Variants in AP1M1 observed in about 807,000 individuals in gnomAD.
AP1M1 encodes adaptor related protein complex 1 subunit mu 1.
A neutral mutation model predicts 57.1 loss-of-function variants in AP1M1; 18 were observed. The ratio of observed to expected loss-of-function variants is 0.32; its 90% confidence interval spans 0.22 to 0.47. AP1M1 has a LOEUF of 0.47. Among genes scored for constraint, AP1M1 ranks in the 20% least tolerant of loss-of-function variants. The pLI is 1.00. For synonymous variants in AP1M1, 241 were observed against 237.9 expected (o/e 1.01, Z -0.12); for missense variants, 362 against 593.5 (o/e 0.61, Z 4.05).
rs981537428 is a variant in AP1M1 at position 16,239,970 on chromosome 19, CAA to C, written c.*5536_*5537del. ...TGGGTTCTGCATCCATGGATTCAACCAAGAGTGAGTTGAAAATATTTGAAAAA... is the reference window on the plus strand; with the variant it reads ...TGGGTTCTGCATCCATGGATTCAACCGAGTGAGTTGAAAATATTTGAAAAA... On this transcript the variant is annotated 3_prime_UTR_variant, in exon 12 of 12. Coordinates refer to ENST00000291439, the MANE Select transcript of AP1M1 (RefSeq NM_032493.4). 1 of 152,012 alleles carries C rather than the reference CAA, an allele frequency of 6.6e-6. No homozygotes were observed. The highest frequency in any genetic ancestry group is 1.5e-5 in the Non-Finnish European group (1 of 68,004). The allele number at this position is 152,012 out of a possible 1,614,324, so 9.4% of individuals were successfully genotyped here.
Position 16,244,882 on chromosome 19 carries a change from T to TTGTTTTTTG in AP1M1, c.*10448_*10449insGTTTTTTGT. Reference sequence around the variant, plus strand: ...TAAATAACATGGATAAAATTTGTTGTTTGTTGTTGTTGTTGTTGTTGTTGT... The same window carrying TTGTTTTTTG: ...TAAATAACATGGATAAAATTTGTTGTTGTTTTTTGTTGTTGTTGTTGTTGTTGTTGTTGT... On this transcript the variant is annotated 3_prime_UTR_variant, in exon 12 of 12. Coordinates refer to ENST00000291439, the MANE Select transcript of AP1M1 (RefSeq NM_032493.4). 1 of 149,680 alleles carries TTGTTTTTTG rather than the reference T, an allele frequency of 6.7e-6. No homozygotes were observed. The highest frequency in any genetic ancestry group is 2.5e-5 in the African/African-American group (1 of 40,020). 9.3% of individuals were successfully genotyped at this position (149,680 alleles called of 1,614,324 possible).
In AP1M1 at chr19:16,234,267, G is replaced by C. The variant is rs762285943; in HGVS notation, c.1242G>C (p.Gln414His). The stretch of plus-strand genomic sequence containing the variant: ...TGCCCTGGGTGCGTTATATCACGCA[G>C]AATGGAGGTGAGTGAGGCCCTACCC... Reference protein sequence around the residue: ...QALPWVRYITQNGDYQLRTQ With the variant: ...QALPWVRYITHNGDYQLRTQ The change falls in exon 11 of 12, where the codon CAG becomes CAC. Residue 414 changes from glutamine to histidine, a missense_variant. Around this residue, in one of 2 missense-constraint regions of AP1M1, gnomAD observed 25 missense variants for 82.4 expected, o/e 0.30. Coordinates refer to ENST00000291439, the MANE Select transcript of AP1M1 (RefSeq NM_032493.4). 6.2e-7 allele frequency: 1 copy of C among 1,613,786 alleles called. No individual in the cohort carries two copies. The highest frequency in any genetic ancestry group is 8.5e-7 in the Non-Finnish European group (1 of 1,179,886).
In AP1M1 at chr19:16,227,804, G is replaced by A; in HGVS notation, c.816+114G>A. ...AGCCCCACCCCACGCTCCATGAGCTGCCTGGCTCTGCAGAGATGGAGTCTG... is the reference window on the plus strand; with the variant it reads ...AGCCCCACCCCACGCTCCATGAGCTACCTGGCTCTGCAGAGATGGAGTCTG... On this transcript the variant is annotated intron_variant, in intron 7 of 11. Coordinates refer to ENST00000291439, the MANE Select transcript of AP1M1 (RefSeq NM_032493.4). This position sits in a 1 kb window ranked among gnomAD's most constrained non-coding sequence, Gnocchi z 6.2. 2 of 1,337,068 alleles carry A rather than the reference G, an allele frequency of 1.5e-6. No homozygotes were observed. The highest frequency in any genetic ancestry group is 1.4e-5 in the African/African-American group (1 of 69,756). 82.8% of individuals were successfully genotyped at this position (1,337,068 alleles called of 1,614,324 possible).
chr19:16,202,129 A>T (rs2145111895), intron 1 of AP1M1, among the ~76,000 whole-genome samples: 2 of 152,306 alleles, frequency 1.3e-5, no homozygotes, highest in African/African-American at 4.8e-5. Context: ...CACGAAGCAG[A>T]CACTAGGAAA....
Position 16,234,290 on chromosome 19 carries a change from C to T in AP1M1, c.1249+16C>T, listed in dbSNP as rs536580317. On this transcript the variant is annotated intron_variant, in intron 11 of 11. Coordinates refer to ENST00000291439, the MANE Select transcript of AP1M1 (RefSeq NM_032493.4). The stretch of plus-strand genomic sequence containing the variant: ...CAGAATGGAGGTGAGTGAGGCCCTA[C>T]CCGTGGGGTGGGGTTGTACTGAGGG... 6 of 1,613,414 alleles carry T rather than the reference C, an allele frequency of 3.7e-6. No homozygotes were observed. The African/African-American group carries it at 6.7e-5, about 18-fold the overall frequency.
Position 16,227,633 on chromosome 19 carries a change from C to T in AP1M1, c.759C>T (p.Ile253=). 1 of 1,614,078 alleles carries T rather than the reference C, an allele frequency of 6.2e-7. No individual in the cohort carries two copies. The highest frequency in any genetic ancestry group is 8.5e-7 in the Non-Finnish European group (1 of 1,179,966). The part of the protein sequence containing the change: ...RLSRFENDRT[I]SFIPPDGEFE... Reference sequence around the variant, plus strand: ...CACGCTTCGAGAATGACCGCACCATCTCCTTCATCCCACCCGACGGCGAGT... The same window carrying T: ...CACGCTTCGAGAATGACCGCACCATTTCCTTCATCCCACCCGACGGCGAGT... Residue 253 remains isoleucine (I), a synonymous_variant, in exon 7 of 12, where the codon ATC becomes ATT. Transcript: ENST00000291439. This position sits in a 1 kb window ranked among gnomAD's most constrained non-coding sequence, Gnocchi z 6.2.
chr19:16,217,602 G>A (rs1222186973), intron 5 of AP1M1, among the ~76,000 whole-genome samples: 1 of 152,154 alleles, frequency 6.6e-6, no homozygotes, highest in Non-Finnish European at 1.5e-5. Context: ...CCTGGGGATT[G>A]CACTGCAAGC....
At chr19:16,213,833 A>C (rs1392548467) in intron 5 of AP1M1, among the ~76,000 whole-genome samples, 1 of 151,956 alleles carries the variant, frequency 6.6e-6, no homozygotes, top group African/African-American at 2.4e-5. Context: ...ATTTGGTCTT[A>C]TTTCTTTATC....
rs533741355 is a variant in AP1M1 at position 16,244,542 on chromosome 19, A to G, written c.*10107A>G. On this transcript the variant is annotated 3_prime_UTR_variant, in exon 12 of 12. Coordinates refer to ENST00000291439, the MANE Select transcript of AP1M1 (RefSeq NM_032493.4). The stretch of plus-strand genomic sequence containing the variant: ...GGAGTAAACTGAGTTAAAATGTTCC[A>G]AGTTAATGACTGTCTGGGAGGAGAA... 4.6e-5 allele frequency: 7 copies of G among 152,362 alleles called. 1 individual carries two copies. The East Asian group carries it at 1.3e-3, about 29-fold the overall frequency. 9.4% of individuals were successfully genotyped at this position (152,362 alleles called of 1,614,324 possible).
In AP1M1 at chr19:16,226,514, C is replaced by G; in HGVS notation, c.640C>G (p.Leu214Val). The change falls in exon 6 of 12, where the codon CTC becomes GTC. Residue 214 changes from leucine (L) to valine (V), a missense_variant. Leu to Val is a conservative substitution (Grantham distance 32). Around this residue, in one of 2 missense-constraint regions of AP1M1, gnomAD observed 337 missense variants for 511.1 expected, o/e 0.66. Coordinates refer to ENST00000291439, the MANE Select transcript of AP1M1 (RefSeq NM_032493.4). ...GGGCATGCCCGAGCTGCGCCTGGGC[C>G]TCAACGACAAGGTCCTCTTTGACAA... ...LSGMPELRLG[L>V]NDKVLFDNTG... The G allele has an allele frequency of 6.3e-7, 1 of 1,592,080 alleles. No homozygotes were observed. Among genetic ancestry groups the G allele is most frequent in the Non-Finnish European group, 8.6e-7 (1 of 1,168,406 alleles).
intron 5 of AP1M1, among the ~76,000 whole-genome samples, chr19:16,211,159 G>GAT (rs57821887): frequency 1 from 151,323 of 151,514 alleles, 75,569 homozygotes; most frequent in Middle Eastern, 1. Context: ...CAAGTGGCAT[G>GAT]CTTGGCTCAG....
rs374061291 is a variant in AP1M1, at chr19:16,234,400, T to C, written c.1250-13T>C. The C allele has an allele frequency of 9.9e-6, 16 of 1,613,784 alleles. No individual in the cohort carries two copies. Among genetic ancestry groups the C allele is most frequent in the Non-Finnish European group, 1.2e-5 (14 of 1,179,958 alleles). ...TGCAGAGCCCAGCATGACGCCTCCC[T>C]CCTGTCTCCTAGATTACCAGCTCCG... On this transcript the variant is annotated splice_polypyrimidine_tract_variant and intron_variant, in intron 11 of 11. Coordinates refer to ENST00000291439, the MANE Select transcript of AP1M1 (RefSeq NM_032493.4).
rs533891057 is a variant in AP1M1, at chr19:16,222,524, A to G, written c.547-3897A>G. Among the ~76,000 whole-genome samples the G allele has an allele frequency of 6.6e-5, 10 of 152,248 alleles. No homozygotes were observed. In the East Asian group the frequency reaches 1.7e-3, roughly 26 times the overall value. ...CACTGTACCTGGCCTCCATTCTGCT[A>G]TTAAGTCCATTGAGCAAGTTGTTTA... is the stretch of plus-strand genomic sequence containing the variant. On this transcript the variant is annotated intron_variant, in intron 5 of 11. Coordinates refer to ENST00000291439, the MANE Select transcript of AP1M1 (RefSeq NM_032493.4).
chr19:16,200,074 A>T (rs1252254859), intron 1 of AP1M1, among the ~76,000 whole-genome samples: 1 of 152,218 alleles, frequency 6.6e-6, no homozygotes, highest in Non-Finnish European at 1.5e-5. Context: ...TTTGCTGAGC[A>T]GATGCATGAG....
At chr19:16,215,200 C>CGGGGGGGGGGG (rs1192567428) in intron 5 of AP1M1, among the ~76,000 whole-genome samples, 1 of 7,368 alleles carries the variant, frequency 1.4e-4, no homozygotes, top group African/African-American at 4.2e-4. Context: ...AAGGCGGGGG[C>CGGGGGGGGGGG]GGGGGGGGGG....
chr19:16,203,409 A>G lies in AP1M1; in HGVS notation c.43-50A>G, dbSNP rs2091456893. 6.2e-7 allele frequency: 1 copy of G among 1,608,352 alleles called. No homozygotes were observed. Among genetic ancestry groups the G allele is most frequent in the Admixed American group, 1.7e-5 (1 of 59,872 alleles). On this transcript the variant is annotated intron_variant, in intron 1 of 11. Transcript: ENST00000291439. This position sits in a 1 kb window ranked among gnomAD's most constrained non-coding sequence, Gnocchi z 4.6. ...CTCACCCCCTGCCCCAAGCCCCCAG[A>G]TTGTAGAACTGAAAATGCAAGCATC...
At position 16,207,081 on chromosome 19, in the gene AP1M1, CAGA is replaced by C. The variant is rs146295032; in HGVS notation, c.267+676_267+678del. ...TAAAGCAGCCTCTCTGGCTGCTGAGCAGAAGGAGGACTTGAGGCCAGTGAGGAG... is the reference window on the plus strand; with the variant it reads ...TAAAGCAGCCTCTCTGGCTGCTGAGCAGGAGGACTTGAGGCCAGTGAGGAG... On this transcript the variant is annotated intron_variant, in intron 3 of 11. Coordinates refer to ENST00000291439, the MANE Select transcript of AP1M1 (RefSeq NM_032493.4). This position sits in a 1 kb window ranked among gnomAD's most constrained non-coding sequence, Gnocchi z 4.2. Among the ~76,000 whole-genome samples the C allele has an allele frequency of 7.2e-4, 109 of 152,288 alleles. No individual in the cohort carries two copies. Among genetic ancestry groups the C allele is most frequent in the African/African-American group, 2.5e-3 (105 of 41,548 alleles).
chr19:16,202,537 C>G (rs184475241), intron 1 of AP1M1, among the ~76,000 whole-genome samples: 5 of 152,316 alleles, frequency 3.3e-5, no homozygotes, highest in African/African-American at 1.2e-4. Flanking sequence ...TAGGCACCCA[C>G]CGATGTGTTT....
chr19:16,210,493 G>A, intron 5 of AP1M1: 2 of 676,428 alleles, frequency 3.0e-6, no homozygotes, highest in Non-Finnish European at 5.5e-6. Context: ...CACATCCTTT[G>A]TCAGTAGTTT....
Sources: gnomAD v4.1 joint callset for allele counts (sites outside exome capture counted in the v4.1 genomes callset) on GRCh38, gnomAD v4.1.1 for gene constraint, gnomAD v4.1.1 regional missense constraint, Gnocchi (gnomAD v3.1) non-coding constraint, MANE v1.5 for transcripts, NCBI Gene and HGNC (gene_info 2026-07-23, HGNC 2026-07-21) for gene names.